The following NR3C2 variants were observed in gnomAD, a reference collection of about 807,000 sequenced individuals.
The protein encoded by NR3C2 is mineralocorticoid receptor.
NR3C2 carries 15 observed loss-of-function variants against 86.4 expected under a neutral mutation model. The observed-to-expected ratio is 0.17, with a 90% CI of 0.12 to 0.27. The LOEUF is 0.27. NR3C2 is among the 10% of genes least tolerant of loss of function. The pLI, the probability that NR3C2 is intolerant of heterozygous loss-of-function variation, is 1.00. For missense variants in NR3C2, 960 were observed against 1,195.6 expected, an observed-to-expected ratio of 0.80 and a Z score of 2.91; for synonymous variants, 458 against 450.5, an observed-to-expected ratio of 1.02 and a Z score of -0.21.
At position 148,254,615 on chromosome 4, in the gene NR3C2, A is replaced by G. The variant is rs144335510; in HGVS notation, c.1897+5363T>C. On this transcript the variant is annotated intron_variant, in intron 3 of 8. Transcript: ENST00000358102. ...TTATGGAAGGAGGAAAGGAGTGTTCATTAAAATCATAGATATAACCTACTG... is the reference window on the plus strand; with the variant it reads ...TTATGGAAGGAGGAAAGGAGTGTTCGTTAAAATCATAGATATAACCTACTG... Among the ~76,000 whole-genome samples the G allele has an allele frequency of 5.9e-5, 9 of 152,362 alleles. No homozygotes were observed. The East Asian group carries it at 1.5e-3, about 26-fold the overall frequency.
chr4:148,330,533 C>T (rs1237057529), intron 2 of NR3C2, among the ~76,000 whole-genome samples: 6 of 152,140 alleles, frequency 3.9e-5, no homozygotes, highest in Admixed American at 3.9e-4. Context: ...TTTTTATATC[C>T]TGTAAATATT....
chr4:148,349,425 T>C (rs1257429844), intron 2 of NR3C2, among the ~76,000 whole-genome samples: 1 of 152,084 alleles, frequency 6.6e-6, no homozygotes, highest in East Asian at 1.9e-4. Context: ...TAATTTTGCC[T>C]GTTGGAAATG....
intron 3 of NR3C2, among the ~76,000 whole-genome samples, chr4:148,248,079 T>C (rs72655207): frequency 8.5e-5 from 13 of 152,178 alleles, no homozygotes; most frequent in Non-Finnish European, 1.0e-4. Flanking sequence ...ATTTAAAAAA[T>C]TTAAATCATG....
At chr4:148,101,027 G>A (rs1158364703) in intron 8 of NR3C2, among the ~76,000 whole-genome samples, 1 of 152,156 alleles carries the variant, frequency 6.6e-6, no homozygotes, top group Non-Finnish European at 1.5e-5. Context: ...CATAGAGACA[G>A]AAAGAGGGGA....
intron 3 of NR3C2, among the ~76,000 whole-genome samples, chr4:148,245,254 A>G (rs1739262160): frequency 6.6e-6 from 1 of 152,168 alleles, no homozygotes; most frequent in African/African-American, 2.4e-5. Context: ...ATCATCTCCA[A>G]TCACTGAAGC....
intron 4 of NR3C2, among the ~76,000 whole-genome samples, chr4:148,181,903 T>C (rs570750397): frequency 1.3e-5 from 2 of 152,342 alleles, no homozygotes; most frequent in East Asian, 3.9e-4. Flanking sequence ...CTTTAATTTC[T>C]GAGAGATACA....
chr4:148,351,963 A>G (rs1288331351), intron 2 of NR3C2, among the ~76,000 whole-genome samples: 1 of 152,180 alleles, frequency 6.6e-6, no homozygotes, highest in East Asian at 1.9e-4. Flanking sequence ...CAGGATATTG[A>G]AAAAGTAGGT....
rs1009716044 is a variant in NR3C2 at position 148,293,881 on chromosome 4, T to A, written c.1758-33764A>T. Among the ~76,000 whole-genome samples the A allele has an allele frequency of 2.6e-5, 4 of 152,334 alleles. 1 individual carries two copies. Among genetic ancestry groups the A allele is most frequent in the African/African-American group, 7.2e-5 (3 of 41,586 alleles). ...CACCCACCAGTGACCTATGCATACA[T>A]GACCACGGTTTGTTGGGTGCCTATA... On this transcript the variant is annotated intron_variant, in intron 2 of 8. Transcript: ENST00000358102.
intron 3 of NR3C2, among the ~76,000 whole-genome samples, chr4:148,221,423 T>C (rs1366738238): frequency 6.6e-6 from 1 of 152,208 alleles, no homozygotes; most frequent in African/African-American, 2.4e-5. Flanking sequence ...CATGAAATAT[T>C]ACAAATGAAA....
intron 6 of NR3C2, among the ~76,000 whole-genome samples, chr4:148,135,526 A>G (rs1484982149): frequency 1.3e-5 from 2 of 152,152 alleles, no homozygotes. Flanking sequence ...ATAAATTTCT[A>G]TTGTTTATAC....
chr4:148,260,568 C>T (rs896822846), intron 2 of NR3C2, among the ~76,000 whole-genome samples: 4 of 152,112 alleles, frequency 2.6e-5, no homozygotes, highest in Non-Finnish European at 5.9e-5. Context: ...TTTAAACCTC[C>T]CCTTTCCAAA....
intron 2 of NR3C2, among the ~76,000 whole-genome samples, chr4:148,376,379 G>A (rs1746681810): frequency 6.6e-6 from 1 of 152,160 alleles, no homozygotes. Flanking sequence ...CCAACAGGAA[G>A]AACAAAGGGC....
At chr4:148,124,357 A>C (rs1197945782) in intron 6 of NR3C2, among the ~76,000 whole-genome samples, 3 of 152,180 alleles carry the variant, frequency 2.0e-5, no homozygotes, top group African/African-American at 7.2e-5. Context: ...AAAGCTATGG[A>C]TTTCTAGCTT....
At chr4:148,243,704 T>C (rs1739174954) in intron 3 of NR3C2, among the ~76,000 whole-genome samples, 1 of 152,212 alleles carries the variant, frequency 6.6e-6, no homozygotes, top group Non-Finnish European at 1.5e-5. Flanking sequence ...AGTTCCCTGC[T>C]ACCCTGCTGT....
chr4:148,241,976 T>G (rs1003321385), intron 3 of NR3C2, among the ~76,000 whole-genome samples: 4 of 152,120 alleles, frequency 2.6e-5, no homozygotes, highest in African/African-American at 9.7e-5. Flanking sequence ...TTCACTTACA[T>G]TAGGTACCTA....
At chr4:148,428,390 T>A (rs1368737509) in intron 2 of NR3C2, among the ~76,000 whole-genome samples, 1 of 152,144 alleles carries the variant, frequency 6.6e-6, no homozygotes, top group East Asian at 1.9e-4. Context: ...AAAAGCAGTA[T>A]CAAGTCATGA....
At chr4:148,397,376 A>G (rs1257658776) in intron 2 of NR3C2, among the ~76,000 whole-genome samples, 1 of 152,228 alleles carries the variant, frequency 6.6e-6, no homozygotes, top group Non-Finnish European at 1.5e-5. Context: ...AAGTGTCTGG[A>G]GCCAGAGTCC....
intron 2 of NR3C2, among the ~76,000 whole-genome samples, chr4:148,304,399 A>T (rs561054050): frequency 5.1e-4 from 75 of 147,522 alleles, no homozygotes; most frequent in Non-Finnish European, 9.3e-4. Context: ...AACTGGTAAA[A>T]GGCCTCGGGA....
chr4:148,424,541 T>C (rs1241815495), intron 2 of NR3C2, among the ~76,000 whole-genome samples: 3 of 152,170 alleles, frequency 2.0e-5, no homozygotes, highest in African/African-American at 7.2e-5. Flanking sequence ...GCCAAATGTC[T>C]ACCAACAGGT....
Sources: gnomAD v4.1 joint callset for allele counts (sites outside exome capture counted in the v4.1 genomes callset) on GRCh38, gnomAD v4.1.1 for gene constraint, MANE v1.5 for transcripts, NCBI Gene and HGNC (gene_info 2026-07-23, HGNC 2026-07-21) for gene names.